The following GRID2 variants were observed in gnomAD, a reference collection of about 807,000 sequenced individuals.
GRID2 encodes the protein glutamate receptor ionotropic, delta-2.
GRID2 carries 33 observed loss-of-function variants against 114.8 expected under a neutral mutation model. That is an observed-to-expected ratio of 0.29 (90% CI 0.22 to 0.38). The LOEUF (loss-of-function observed/expected upper bound fraction) is 0.38, where lower values mean the gene tolerates loss of function less well. Ranked by LOEUF, GRID2 falls within the 10% of genes least tolerant of loss-of-function variation. The probability of loss-of-function intolerance (pLI) is 1.00; values close to 1 mark genes in which losing one functional copy is unlikely to be tolerated. For synonymous variants in GRID2, 505 were observed against 449.9 expected (o/e 1.12, Z -1.55); for missense variants, 1,184 against 1,257.7 (o/e 0.94, Z 0.89).
At chr4:93,430,926 G>C (rs1476497720) in intron 10 of GRID2, among the ~76,000 whole-genome samples, 1 of 152,184 alleles carries the variant, frequency 6.6e-6, no homozygotes, top group Non-Finnish European at 1.5e-5. Context: ...AGAAAGGTTA[G>C]AAACAGCATG....
At chr4:92,966,577 C>T (rs1753171120) in intron 2 of GRID2, among the ~76,000 whole-genome samples, 1 of 151,772 alleles carries the variant, frequency 6.6e-6, no homozygotes, top group Non-Finnish European at 1.5e-5. Flanking sequence ...GTGCAGTTTC[C>T]CCTATACTGT....
Position 93,483,511 on chromosome 4 carries a change from T to C in GRID2, c.1859-7128T>C, listed in dbSNP as rs573331751. On this transcript the variant is annotated intron_variant, in intron 11 of 15. Coordinates refer to ENST00000282020, the MANE Select transcript of GRID2 (RefSeq NM_001510.4). ...AAATTGGAGACTCTTCAACAATTAATTGCTTTTTCATATTTCATGGAAACA... is the reference window on the plus strand; with the variant it reads ...AAATTGGAGACTCTTCAACAATTAACTGCTTTTTCATATTTCATGGAAACA... Among the ~76,000 whole-genome samples the C allele has an allele frequency of 1.4e-3, 219 of 152,100 alleles. 1 individual carries two copies. The highest frequency in any genetic ancestry group is 5.2e-3 in the African/African-American group (216 of 41,554).
At chr4:93,295,587 CCTCCTCCTCCTCCTCCTCTCCCCG>C (rs1754210644) in intron 8 of GRID2, among the ~76,000 whole-genome samples, 2 of 151,270 alleles carry the variant, frequency 1.3e-5, no homozygotes, top group Admixed American at 6.6e-5. Flanking sequence ...ATCTCCTCTT[CCTCCTCCTCCTCCTCCTCTCCCCG>C]CTCCTCCTCC....
chr4:93,547,741 A>C (rs186082416), intron 13 of GRID2, among the ~76,000 whole-genome samples: 2 of 152,170 alleles, frequency 1.3e-5, no homozygotes. Flanking sequence ...AAACCCATGC[A>C]GTTTGACCTC....
intron 2 of GRID2, among the ~76,000 whole-genome samples, chr4:92,724,042 A>C (rs771245042): frequency 1.3e-4 from 20 of 152,156 alleles, no homozygotes; most frequent in Non-Finnish European, 2.6e-4. Flanking sequence ...GATAGCAAAA[A>C]TCTGTATCAA....
intron 3 of GRID2, among the ~76,000 whole-genome samples, chr4:93,099,084 C>G (rs2149338063): frequency 6.9e-6 from 1 of 145,482 alleles, no homozygotes; most frequent in African/African-American, 2.5e-5. Context: ...TGTTTGGGTC[C>G]TTTTCCATTC....
chr4:93,332,297 T>TGAGA (rs1255976950), intron 8 of GRID2, among the ~76,000 whole-genome samples: 63 of 133,048 alleles, frequency 4.7e-4, no homozygotes, highest in African/African-American at 1.9e-3. Context: ...TGTGTGTGTG[T>TGAGA]GTGAGAGAGA....
intron 2 of GRID2, among the ~76,000 whole-genome samples, chr4:92,902,604 T>G (rs1309724562): frequency 6.6e-6 from 1 of 152,114 alleles, no homozygotes; most frequent in East Asian, 1.9e-4. Flanking sequence ...TAGATTCTTT[T>G]CTAGTATTTT....
chr4:92,615,239 G>C (rs1211742760), intron 2 of GRID2, among the ~76,000 whole-genome samples: 1 of 151,406 alleles, frequency 6.6e-6, no homozygotes, highest in Non-Finnish European at 1.5e-5. Context: ...GAAACACAAA[G>C]CATGAAAACC....
chr4:93,012,720 A>G (rs1192036839), intron 2 of GRID2, among the ~76,000 whole-genome samples: 1 of 152,096 alleles, frequency 6.6e-6, no homozygotes, highest in Admixed American at 6.6e-5. Context: ...TTATGCAAAA[A>G]CATAAGAACT....
intron 9 of GRID2, among the ~76,000 whole-genome samples, chr4:93,417,422 G>A (rs879663106): frequency 4.6e-5 from 7 of 151,582 alleles, no homozygotes; most frequent in African/African-American, 7.3e-5. Flanking sequence ...ATTTGATATC[G>A]CAATATAACA....
At chr4:92,535,300 C>G (rs1725559554) in intron 1 of GRID2, among the ~76,000 whole-genome samples, 1 of 152,098 alleles carries the variant, frequency 6.6e-6, no homozygotes, top group South Asian at 2.1e-4. Context: ...AAGTAAAGCA[C>G]TCATTCCAAA....
intron 2 of GRID2, among the ~76,000 whole-genome samples, chr4:92,860,637 G>C (rs1744465788): frequency 6.6e-6 from 1 of 152,022 alleles, no homozygotes; most frequent in Non-Finnish European, 1.5e-5. Context: ...TGAAGACTAA[G>C]GTAGAAGTTG....
At chr4:93,717,994 G>A (rs1258794420) in intron 14 of GRID2, among the ~76,000 whole-genome samples, 2 of 152,140 alleles carry the variant, frequency 1.3e-5, no homozygotes, top group Non-Finnish European at 2.9e-5. Context: ...GGTGACTTAC[G>A]CCTGTAATCC....
At chr4:93,550,534 T>G (rs1479821058) in intron 13 of GRID2, among the ~76,000 whole-genome samples, 1 of 152,170 alleles carries the variant, frequency 6.6e-6, no homozygotes, top group Admixed American at 6.6e-5. Flanking sequence ...TCCTTATAAC[T>G]TGCATTCACA....
rs566860867 is a variant in GRID2, at chr4:93,533,714, A to G, written c.2193+18303A>G. 4.0e-5 allele frequency among the ~76,000 whole-genome samples: 6 copies of G among 151,894 alleles called. No homozygotes were observed. In the South Asian group the frequency reaches 1.0e-3, roughly 26 times the overall value. On this transcript the variant is annotated intron_variant, in intron 13 of 15. Transcript: ENST00000282020. Reference sequence around the variant, plus strand: ...CCCTGTAGGTTTTTTATTTAAAAACATACAAATTTTCACCACCTCCACCAT... The same window carrying G: ...CCCTGTAGGTTTTTTATTTAAAAACGTACAAATTTTCACCACCTCCACCAT...
intron 4 of GRID2, among the ~76,000 whole-genome samples, chr4:93,154,773 ACACCAC>A (rs533522738): frequency 6.7e-5 from 10 of 150,368 alleles, no homozygotes; most frequent in Non-Finnish European, 1.0e-4. Context: ...AACAAAAAAA[ACACCAC>A]CACCACCACC....
chr4:92,675,439 C>T (rs1184865583), intron 2 of GRID2, among the ~76,000 whole-genome samples: 4 of 152,128 alleles, frequency 2.6e-5, no homozygotes, highest in Non-Finnish European at 5.9e-5. Flanking sequence ...CTCTCTAATA[C>T]TCTGTACATT....
intron 2 of GRID2, among the ~76,000 whole-genome samples, chr4:92,995,747 T>C (rs1755159728): frequency 6.6e-6 from 1 of 152,120 alleles, no homozygotes; most frequent in Non-Finnish European, 1.5e-5. Flanking sequence ...TGCCAAAATA[T>C]CTGGGCACAA....
Sources: gnomAD v4.1 joint callset for allele counts (sites outside exome capture counted in the v4.1 genomes callset) on GRCh38, gnomAD v4.1.1 for gene constraint, MANE v1.5 for transcripts, NCBI Gene and HGNC (gene_info 2026-07-23, HGNC 2026-07-21) for gene names.